The following SLC13A1 variants were observed in gnomAD, a reference collection of about 807,000 sequenced individuals.
SLC13A1 encodes Na(+)/sulfate cotransporter.
In SLC13A1, 65 loss-of-function variants were observed where a neutral mutation model predicts 70.0. The observed-to-expected ratio is 0.93, with a 90% CI of 0.76 to 1.14. The LOEUF is 1.14. SLC13A1 is among the 50% of genes most tolerant of loss of function. The pLI, the probability that SLC13A1 is intolerant of heterozygous loss-of-function variation, is 0.00. For synonymous variants in SLC13A1, 275 were observed against 250.5 expected, an observed-to-expected ratio of 1.10 and a Z score of -0.92; for missense variants, 726 against 717.8, an observed-to-expected ratio of 1.01 and a Z score of -0.13.
chr7:123,188,539 A>C (rs1795892145), intron 1 of SLC13A1, among the ~76,000 whole-genome samples: 1 of 152,146 alleles, frequency 6.6e-6, no homozygotes, highest in African/African-American at 2.4e-5. Flanking sequence ...GTATTTTCAC[A>C]GTTATTGAAC....
At chr7:123,131,148 A>G (rs1793744422) in intron 8 of SLC13A1, among the ~76,000 whole-genome samples, 1 of 152,206 alleles carries the variant, frequency 6.6e-6, no homozygotes, top group Admixed American at 6.5e-5. Flanking sequence ...ATACACTTCA[A>G]TGCCTGAATA....
chr7:123,133,383 GA>G (rs922190805), intron 8 of SLC13A1, among the ~76,000 whole-genome samples: 1 of 151,778 alleles, frequency 6.6e-6, no homozygotes, highest in African/African-American at 2.4e-5. Flanking sequence ...ATAACCCAAG[GA>G]AATCTCCACA....
At chr7:123,135,121 C>A (rs924690398) in intron 7 of SLC13A1, among the ~76,000 whole-genome samples, 1 of 152,196 alleles carries the variant, frequency 6.6e-6, no homozygotes, top group African/African-American at 2.4e-5. Flanking sequence ...TTCCTAGAAC[C>A]AGGTGGTGCT....
intron 10 of SLC13A1, among the ~76,000 whole-genome samples, chr7:123,127,901 C>A (rs1430038965): frequency 1.6e-5 from 2 of 126,542 alleles, no homozygotes; most frequent in African/African-American, 6.2e-5. Context: ...CCAAGTAAGA[C>A]ATGTGCTGAA....
chr7:123,117,761 T>C (rs1465882383), intron 13 of SLC13A1, among the ~76,000 whole-genome samples, 153 bp from the exon 14 acceptor site: 1 of 151,968 alleles, frequency 6.6e-6, no homozygotes. Flanking sequence ...AACTTGAATA[T>C]TTTTAAGAAA....
At chr7:123,183,362 C>T (rs1174895127) in intron 1 of SLC13A1, among the ~76,000 whole-genome samples, 2 of 152,132 alleles carry the variant, frequency 1.3e-5, no homozygotes, top group African/African-American at 4.8e-5. Flanking sequence ...ACACTGGGAT[C>T]ATATTCTTCC....
At chr7:123,149,848 C>T (rs1794494228) in intron 6 of SLC13A1, among the ~76,000 whole-genome samples, 1 of 152,162 alleles carries the variant, frequency 6.6e-6, no homozygotes, top group African/African-American at 2.4e-5. Context: ...TGGTCCTCTC[C>T]TTTCTTTACT....
intron 6 of SLC13A1, among the ~76,000 whole-genome samples, chr7:123,165,980 C>T (rs894043781): frequency 1.3e-5 from 2 of 152,078 alleles, no homozygotes; most frequent in Admixed American, 6.6e-5. Flanking sequence ...CTCATGAGTT[C>T]GCACTCTTCT....
chr7:123,149,393 G>C (rs938442371), intron 6 of SLC13A1: 3 of 443,038 alleles, frequency 6.8e-6, no homozygotes, highest in African/African-American at 6.1e-5. Context: ...CTAAGTCTAA[G>C]GTGGTAGATA....
At chr7:123,157,433 T>C (rs979479340) in intron 6 of SLC13A1, among the ~76,000 whole-genome samples, 2 of 152,114 alleles carry the variant, frequency 1.3e-5, no homozygotes, top group Non-Finnish European at 2.9e-5. Context: ...ATTAAGGACA[T>C]GAGGCCTCTT....
At chr7:123,142,662 G>GTCTTACTCTATT (rs1794198148) in intron 7 of SLC13A1, among the ~76,000 whole-genome samples, 1 of 70,428 alleles carries the variant, frequency 1.4e-5, no homozygotes, top group African/African-American at 5.8e-5. Context: ...TTTTGATGGA[G>GTCTTACTCTATT]GCTGGAGTGC....
At chr7:123,156,208 C>T (rs1794708162) in intron 6 of SLC13A1, among the ~76,000 whole-genome samples, 1 of 152,036 alleles carries the variant, frequency 6.6e-6, no homozygotes, top group Non-Finnish European at 1.5e-5. Flanking sequence ...CATCTTTTTA[C>T]TTTCCAGCTT....
At chr7:123,148,714 T>C (rs1365602665) in intron 6 of SLC13A1, 1 of 249,556 alleles carries the variant, frequency 4.0e-6, no homozygotes, top group East Asian at 1.4e-4. Flanking sequence ...AATCCCAAAT[T>C]TTAAACTTAA....
At chr7:123,146,962 C>G (rs1334157997) in intron 7 of SLC13A1, among the ~76,000 whole-genome samples, 197 bp downstream of exon 7, 1 of 152,098 alleles carries the variant, frequency 6.6e-6, no homozygotes, top group Non-Finnish European at 1.5e-5. Flanking sequence ...TCTGTTGGCA[C>G]AAGTTAATTC....
At chr7:123,159,051 A>G (rs1563337706) in intron 6 of SLC13A1, among the ~76,000 whole-genome samples, 1 of 152,072 alleles carries the variant, frequency 6.6e-6, no homozygotes, top group Non-Finnish European at 1.5e-5. Context: ...AAAAAATAAT[A>G]CAATTATGTA....
intron 12 of SLC13A1, 94 bp downstream of exon 12, chr7:123,123,032 A>G (rs909139557): frequency 1.0e-6 from 1 of 981,736 alleles, no homozygotes; most frequent in Non-Finnish European, 1.6e-6. Flanking sequence ...AAAATGACAG[A>G]GTGAAATTGA....
At position 123,171,852 on chromosome 7, in the gene SLC13A1, C is replaced by T. The variant is rs1795285357; in HGVS notation, c.281G>A (p.Cys94Tyr). 4 of 1,612,950 alleles carry T rather than the reference C, an allele frequency of 2.5e-6. No homozygotes were observed. Among genetic ancestry groups the T allele is most frequent in the Non-Finnish European group, 3.4e-6 (4 of 1,179,090 alleles). Residue 94 changes from cysteine to tyrosine, a missense_variant, in exon 3 of 15, where the codon TGT becomes TAT. Transcript: ENST00000194130. The stretch of plus-strand genomic sequence containing the variant: ...CCATTTTTCTATGGATGTTGCTAAA[C>T]AGATAACTCCAATTAGCAGTAAGTG... ...DFHLLLIGVI[C>Y]LATSIEKWNL... is the part of the protein sequence containing the mutation.
chr7:123,141,856 A>G (rs746545716), intron 7 of SLC13A1, among the ~76,000 whole-genome samples: 2 of 152,076 alleles, frequency 1.3e-5, no homozygotes, highest in Non-Finnish European at 2.9e-5. Flanking sequence ...CAACTGTCCA[A>G]TAGATCTTGT....
intron 1 of SLC13A1, among the ~76,000 whole-genome samples, chr7:123,192,261 AACC>A (rs1796020067): frequency 6.6e-6 from 1 of 152,148 alleles, no homozygotes; most frequent in Non-Finnish European, 1.5e-5. Context: ...ATCTTGTCTT[AACC>A]ACCTCAAGTG....
Sources: gnomAD v4.1 joint callset for allele counts (sites outside exome capture counted in the v4.1 genomes callset) on GRCh38, gnomAD v4.1.1 for gene constraint, MANE v1.5 for transcripts, NCBI Gene and HGNC (gene_info 2026-07-23, HGNC 2026-07-21) for gene names.